The following ERAP1 variants were observed in gnomAD, a reference collection of about 807,000 sequenced individuals.
The protein encoded by ERAP1 is adipocyte-derived leucine aminopeptidase.
In ERAP1, 86 loss-of-function variants were observed where a neutral mutation model predicts 103.7. The ratio of observed to expected loss-of-function variants is 0.83; its 90% CI spans 0.70 to 0.99. The LOEUF (loss-of-function observed/expected upper bound fraction) is 0.99, where lower values mean the gene tolerates loss of function less well. Ranked by LOEUF, ERAP1 falls within the 50% of genes least tolerant of loss-of-function variation. The pLI is 0.00. For missense variants in ERAP1, 1,009 were observed against 1,128.4 expected, an observed-to-expected ratio of 0.89 and a Z score of 1.52; for synonymous variants, 398 against 402.4, an observed-to-expected ratio of 0.99 and a Z score of 0.13.
the ERAP1 span, chr5:96,910,395 G>A: frequency 1.3e-5 from 2 of 150,088 alleles, no homozygotes; most frequent in African/African-American, 2.5e-5. Flanking sequence ...AGTAATTCAA[G>A]TTTTCTTCTT....
chr5:96,860,688 C>T, the ERAP1 span, among the ~76,000 whole-genome samples: 11 of 152,188 alleles, frequency 7.2e-5, no homozygotes, highest in South Asian at 2.3e-3. Context: ...TGGAAGACTT[C>T]CACAAGAAGG....
chr5:96,885,522 T>G, the ERAP1 span, among the ~76,000 whole-genome samples: 2 of 152,248 alleles, frequency 1.3e-5, no homozygotes, highest in African/African-American at 4.8e-5. Context: ...AATTAAATTC[T>G]GTAGAATTTA....
At chr5:96,922,740 CAATGAAT>C in the ERAP1 span, among the ~76,000 whole-genome samples, 1 of 152,190 alleles carries the variant, frequency 6.6e-6, no homozygotes, top group Non-Finnish European at 1.5e-5. Context: ...ACTCAAGCAA[CAATGAAT>C]AAGTTGTTAG....
chr5:96,815,453 C>T, the ERAP1 span, among the ~76,000 whole-genome samples: 2 of 142,124 alleles, frequency 1.4e-5, no homozygotes, highest in African/African-American at 2.6e-5. Flanking sequence ...CTCTTGTTGC[C>T]CGGGCTGGAG....
chr5:96,917,021 C>G, the ERAP1 span, among the ~76,000 whole-genome samples: 1 of 152,068 alleles, frequency 6.6e-6, no homozygotes, highest in Non-Finnish European at 1.5e-5. Context: ...TAGAAAATAA[C>G]CTTTTAGAGG....
At chr5:96,833,722 C>T in the ERAP1 span, among the ~76,000 whole-genome samples, 39 of 151,242 alleles carry the variant, frequency 2.6e-4, 1 homozygote, top group African/African-American at 1.2e-4. Context: ...CGCTTGAACC[C>T]GGGAGGCGGA....
chr5:96,829,285 C>T, the ERAP1 span, among the ~76,000 whole-genome samples: 4 of 152,068 alleles, frequency 2.6e-5, no homozygotes, highest in Non-Finnish European at 5.9e-5. Context: ...AAGTAAAATT[C>T]AATGGATTTT....
chr5:96,805,361 A>ATTTTTT (rs1561295274), intron 1 of ERAP1, among the ~76,000 whole-genome samples: 10 of 148,990 alleles, frequency 6.7e-5, no homozygotes, highest in African/African-American at 2.5e-4. Context: ...TTTTTTTAAA[A>ATTTTTT]AAAAAAAAAA....
chr5:96,824,215 C>A, the ERAP1 span, among the ~76,000 whole-genome samples: 930 of 152,328 alleles, frequency 6.1e-3, 8 homozygotes, highest in African/African-American at 0.021. Flanking sequence ...CCTGTATTCA[C>A]ACCCAATGCC....
chr5:96,905,220 T>G, the ERAP1 span, among the ~76,000 whole-genome samples: 1 of 152,162 alleles, frequency 6.6e-6, no homozygotes, highest in Non-Finnish European at 1.5e-5. Flanking sequence ...CTTCAAATAA[T>G]GTGAAGTTGA....
chr5:96,889,122 T>C, the ERAP1 span: 1,597 of 1,599,604 alleles, frequency 1.0e-3, 13 homozygotes, highest in African/African-American at 0.019. Context: ...GAGAGGGTTA[T>C]CAGGAATGGA....
At chr5:96,791,174 C>T (rs1451567799) in intron 8 of ERAP1, among the ~76,000 whole-genome samples, 1 of 152,206 alleles carries the variant, frequency 6.6e-6, no homozygotes, top group Non-Finnish European at 1.5e-5. Context: ...GAACAAGAGT[C>T]TTCCCAGACA....
chr5:96,793,146 T>C (rs1776920815), intron 7 of ERAP1, among the ~76,000 whole-genome samples: 1 of 152,120 alleles, frequency 6.6e-6, no homozygotes, highest in Admixed American at 6.5e-5. Flanking sequence ...TCTATTTCTT[T>C]GATATTAAGA....
chr5:96,771,545 CACTG>C, downstream of ERAP1: 1 of 779,070 alleles, frequency 1.3e-6, no homozygotes, highest in South Asian at 1.9e-5. Context: ...TATTTTTCCC[CACTG>C]ACTGCCATCT....
At chr5:96,805,219 T>C (rs993449494) in intron 1 of ERAP1, among the ~76,000 whole-genome samples, 4 of 152,096 alleles carry the variant, frequency 2.6e-5, no homozygotes, top group Non-Finnish European at 4.4e-5. Flanking sequence ...TCTGGCTGCA[T>C]ATTAATGTAA....
At chr5:96,867,923 A>T in the ERAP1 span, among the ~76,000 whole-genome samples, 1 of 151,958 alleles carries the variant, frequency 6.6e-6, no homozygotes, top group Non-Finnish European at 1.5e-5. Context: ...CAAATGCAAA[A>T]ATGAGCCAGG....
intron 6 of ERAP1, 68 bp downstream of exon 6, chr5:96,793,735 C>A: frequency 7.2e-7 from 1 of 1,380,744 alleles, no homozygotes. Context: ...TATAAATAGC[C>A]TTATATGTCC....
the ERAP1 span, among the ~76,000 whole-genome samples, chr5:96,925,576 G>A: frequency 6.6e-6 from 1 of 152,162 alleles, no homozygotes; most frequent in Non-Finnish European, 1.5e-5. Context: ...CAGATTTTAG[G>A]CAATATCTCA....
At chr5:96,913,796 T>C in the ERAP1 span, among the ~76,000 whole-genome samples, 2 of 152,182 alleles carry the variant, frequency 1.3e-5, no homozygotes, top group Non-Finnish European at 1.5e-5. Context: ...AGATGCCTTG[T>C]ATAGTGCATC....
Sources: allele counts gnomAD v4.1 joint callset (sites outside exome capture counted in the v4.1 genomes callset), GRCh38; gene constraint gnomAD v4.1.1; transcripts MANE v1.5; gene names NCBI Gene and HGNC (gene_info 2026-07-23, HGNC 2026-07-21).